The following M1AP variants were observed in gnomAD, a reference collection of about 807,000 sequenced individuals.
The protein encoded by M1AP is meiosis 1 arrest protein.
In M1AP, 39 loss-of-function variants were observed where a neutral mutation model predicts 51.2. The ratio of observed to expected loss-of-function variants is 0.76; its 90% CI spans 0.59 to 1.00. M1AP has a LOEUF of 1.00. Among genes scored for constraint, M1AP ranks in the 50% least tolerant of loss-of-function variants. The pLI, the probability that M1AP is intolerant of heterozygous loss-of-function variation, is 0.00. For synonymous variants in M1AP, 251 were observed against 249.2 expected (o/e 1.01, Z -0.07); for missense variants, 545 against 641.2 (o/e 0.85, Z 1.62).
At chr2:74,565,791 T>TGCC (rs1250623889) in intron 7 of M1AP, among the ~76,000 whole-genome samples, 1 of 149,164 alleles carries the variant, frequency 6.7e-6, no homozygotes, top group East Asian at 2.1e-4. Flanking sequence ...ATCACACCAC[T>TGCC]GCCCTCCAGC....
intron 3 of M1AP, among the ~76,000 whole-genome samples, 171 bp downstream of exon 3, chr2:74,614,793 G>T (rs1003678701): frequency 1.3e-5 from 2 of 152,146 alleles, no homozygotes; most frequent in Non-Finnish European, 2.9e-5. Context: ...AACTGTACAG[G>T]TTATAGGAAG....
chr2:74,625,016 A>C, intron 2 of M1AP, among the ~76,000 whole-genome samples: 1 of 152,206 alleles, frequency 6.6e-6, no homozygotes, highest in East Asian at 1.9e-4. Flanking sequence ...ACTGTCACCA[A>C]ATTGCCCTCT....
chr2:74,575,319 T>G, intron 7 of M1AP, 119 bp downstream of exon 7: 1 of 1,507,066 alleles, frequency 6.6e-7, no homozygotes, highest in Non-Finnish European at 8.9e-7. Context: ...TTTCCAGTTT[T>G]TTCTGTCTTC....
chr2:74,623,128 A>G (rs901357785), intron 2 of M1AP, among the ~76,000 whole-genome samples: 1 of 152,136 alleles, frequency 6.6e-6, no homozygotes, highest in Admixed American at 6.5e-5. Context: ...GCTAAAAAAC[A>G]AATTATTGGA....
chr2:74,569,355 A>G (rs2104537801), intron 7 of M1AP, among the ~76,000 whole-genome samples: 1 of 148,880 alleles, frequency 6.7e-6, no homozygotes, highest in East Asian at 2.0e-4. Flanking sequence ...TGTGTGTGTC[A>G]TGCACCTTCT....
intron 4 of M1AP, among the ~76,000 whole-genome samples, chr2:74,589,107 C>T (rs1041189182): frequency 3.9e-5 from 6 of 152,140 alleles, no homozygotes; most frequent in African/African-American, 1.4e-4. Flanking sequence ...GCTTGGCTGG[C>T]CAGGGAAGTA....
At chr2:74,598,826 T>C (rs941940688) in intron 4 of M1AP, among the ~76,000 whole-genome samples, 1 of 152,012 alleles carries the variant, frequency 6.6e-6, no homozygotes. Context: ...CTCACTATGT[T>C]GTTCAGGCTG....
intron 2 of M1AP, among the ~76,000 whole-genome samples, chr2:74,624,909 T>A (rs960760931): frequency 6.6e-6 from 1 of 152,182 alleles, no homozygotes; most frequent in African/African-American, 2.4e-5. Context: ...AAATGAATAA[T>A]CTTGTACTTA....
intron 5 of M1AP, among the ~76,000 whole-genome samples, chr2:74,578,172 C>A (rs1679191153): frequency 2.0e-5 from 3 of 152,126 alleles, no homozygotes; most frequent in Admixed American, 2.0e-4. Flanking sequence ...GGTTGGGGAC[C>A]CCGATCTAGG....
intron 2 of M1AP, among the ~76,000 whole-genome samples, chr2:74,626,760 ACATT>A (rs1274487631): frequency 6.6e-6 from 1 of 152,246 alleles, no homozygotes; most frequent in African/African-American, 2.4e-5. Flanking sequence ...GCTGATCCAA[ACATT>A]TATTAATAGC....
chr2:74,611,890 T>TTTTTG (rs1681378663), intron 3 of M1AP, among the ~76,000 whole-genome samples: 1 of 72,536 alleles, frequency 1.4e-5, no homozygotes, highest in African/African-American at 5.1e-5. Flanking sequence ...GTGTTTTTTT[T>TTTTTG]TTTTTTTTTT....
At chr2:74,589,068 G>A (rs764774405) in intron 4 of M1AP, among the ~76,000 whole-genome samples, 11 of 152,326 alleles carry the variant, frequency 7.2e-5, no homozygotes, top group Non-Finnish European at 1.5e-4. Flanking sequence ...GTGTGTGCAC[G>A]CGCGCGCGTG....
chr2:74,645,038 C>T (rs1330862820), intron 1 of M1AP, among the ~76,000 whole-genome samples: 2 of 152,130 alleles, frequency 1.3e-5, no homozygotes, highest in Non-Finnish European at 2.9e-5. Flanking sequence ...TAAATCTTGC[C>T]GCTGCTCACT....
At chr2:74,579,503 C>T (rs1200179884) in intron 5 of M1AP, among the ~76,000 whole-genome samples, 1 of 152,148 alleles carries the variant, frequency 6.6e-6, no homozygotes, top group African/African-American at 2.4e-5. Context: ...CAAATCCTAG[C>T]TCTGCTACTA....
rs116836548 is a variant in M1AP at position 74,591,759 on chromosome 2, C to T, written c.596-9912G>A. Among the ~76,000 whole-genome samples, 759 of 152,126 alleles carry T rather than the reference C, an allele frequency of 5.0e-3. 3 individuals carry two copies. The highest frequency in any genetic ancestry group is 0.017 in the African/African-American group (703 of 41,488). ...TAGAGTAAGGAAAAGCTAAAGAAGA[C>T]GCTCAAATCAAAGAAAGTCCTAAGA... On this transcript the variant is annotated intron_variant, in intron 4 of 10. Transcript: ENST00000421985.
intron 2 of M1AP, among the ~76,000 whole-genome samples, chr2:74,637,477 G>C (rs1683051184): frequency 6.6e-6 from 1 of 152,134 alleles, no homozygotes; most frequent in Non-Finnish European, 1.5e-5. Flanking sequence ...ACCTATTTAA[G>C]TTTTGATTGA....
At chr2:74,648,150 C>T (rs966240286) in intron 1 of M1AP, 115 bp downstream of exon 1, 1 of 963,846 alleles carries the variant, frequency 1.0e-6, no homozygotes, top group Admixed American at 6.2e-5. Context: ...ACGGCCAGCG[C>T]AACCAACACC....
chr2:74,570,364 T>C (rs1678661746), intron 7 of M1AP, among the ~76,000 whole-genome samples: 1 of 152,186 alleles, frequency 6.6e-6, no homozygotes, highest in South Asian at 2.1e-4. Context: ...GGGGAATTTC[T>C]ATTCTGGGCC....
At chr2:74,626,694 T>C (rs943937119) in intron 2 of M1AP, among the ~76,000 whole-genome samples, 1 of 152,274 alleles carries the variant, frequency 6.6e-6, no homozygotes, top group Non-Finnish European at 1.5e-5. Context: ...CAGGAATCTA[T>C]GCTGGTAGAT....
Sources: gnomAD v4.1 joint callset for allele counts (sites outside exome capture counted in the v4.1 genomes callset) on GRCh38, gnomAD v4.1.1 for gene constraint, MANE v1.5 for transcripts, NCBI Gene and HGNC (gene_info 2026-07-23, HGNC 2026-07-21) for gene names.